CCDC171: variants seen among roughly 807,000 people sequenced by gnomAD.
CCDC171 encodes coiled-coil domain-containing protein 171.
CCDC171 carries 177 observed loss-of-function variants against 168.2 expected under a neutral mutation model. That is an observed-to-expected ratio of 1.05 (90% CI 0.93 to 1.19). The LOEUF is 1.19. Ranked by LOEUF, CCDC171 falls within the 50% of genes most tolerant of loss-of-function variation. The probability of loss-of-function intolerance (pLI) is 0.00; values close to 1 mark genes in which losing one functional copy is unlikely to be tolerated. For missense variants in CCDC171, 1,991 were observed against 1,539.0 expected (o/e 1.29, Z -4.91); for synonymous variants, 687 against 540.8 (o/e 1.27, Z -3.75).
intron 16 of CCDC171, among the ~76,000 whole-genome samples, chr9:15,742,694 T>C (rs1158421857): frequency 6.6e-6 from 1 of 152,242 alleles, no homozygotes; most frequent in Admixed American, 6.5e-5. Flanking sequence ...TAAGTGCCCT[T>C]TTGTACTCCT....
At chr9:15,839,953 C>G (rs1218673383) in intron 21 of CCDC171, among the ~76,000 whole-genome samples, 2 of 147,034 alleles carry the variant, frequency 1.4e-5, no homozygotes, top group Non-Finnish European at 1.5e-5. Flanking sequence ...ATTTATTTTC[C>G]CAATTTTAAA....
At chr9:15,825,731 G>A (rs1350223949) in intron 21 of CCDC171, among the ~76,000 whole-genome samples, 1 of 152,072 alleles carries the variant, frequency 6.6e-6, no homozygotes, top group Non-Finnish European at 1.5e-5. Context: ...ATTTAGGAAT[G>A]GAGATTGCAA....
chr9:15,939,070 G>C (rs1346208071), intron 25 of CCDC171, among the ~76,000 whole-genome samples: 1 of 149,940 alleles, frequency 6.7e-6, no homozygotes, highest in African/African-American at 2.4e-5. Flanking sequence ...AGCTGGTTTT[G>C]CCTCTTCTTG....
intron 18 of CCDC171, among the ~76,000 whole-genome samples, chr9:15,762,901 A>AGG (rs1262229330): frequency 1.3e-5 from 2 of 152,156 alleles, no homozygotes; most frequent in Non-Finnish European, 2.9e-5. Context: ...TACAGTGCAA[A>AGG]GGAGTGTAGC....
At chr9:15,937,213 A>G (rs753390006) in intron 25 of CCDC171, among the ~76,000 whole-genome samples, 1 of 151,968 alleles carries the variant, frequency 6.6e-6, no homozygotes. Context: ...TAAAATTGCA[A>G]TTTTTTTCAA....
intron 2 of CCDC171, among the ~76,000 whole-genome samples, chr9:15,567,258 G>C (rs188095217): frequency 2.0e-5 from 3 of 152,216 alleles, no homozygotes; most frequent in Admixed American, 2.0e-4. Context: ...CTGACCTTGT[G>C]ATCCACCGGC....
chr9:16,010,993 T>G (rs1832854062), intron 3 of CCDC171, among the ~76,000 whole-genome samples: 1 of 152,148 alleles, frequency 6.6e-6, no homozygotes, highest in South Asian at 2.1e-4. Context: ...GACCCTGATT[T>G]ATTCAGTTAA....
chr9:15,792,018 C>G (rs2058294708), intron 21 of CCDC171, among the ~76,000 whole-genome samples: 2 of 152,096 alleles, frequency 1.3e-5, no homozygotes, highest in Admixed American at 1.3e-4. Flanking sequence ...GATGATCAAA[C>G]TTCTCCGAGC....
intron 3 of CCDC171, among the ~76,000 whole-genome samples, chr9:16,008,489 C>T (rs556495293): frequency 5.0e-4 from 76 of 152,232 alleles, no homozygotes; most frequent in African/African-American, 1.7e-3. Flanking sequence ...TTCATGCGTC[C>T]AGAAATGTTT....
chr9:16,046,979 G>A (rs1213801524), intron 1 of CCDC171, among the ~76,000 whole-genome samples: 2 of 152,164 alleles, frequency 1.3e-5, no homozygotes, highest in East Asian at 1.9e-4. Flanking sequence ...TTCCCCTCAA[G>A]TCCCCGTAGC....
intron 24 of CCDC171, among the ~76,000 whole-genome samples, chr9:15,911,563 T>G (rs1823641960): frequency 6.6e-6 from 1 of 152,244 alleles, no homozygotes; most frequent in Non-Finnish European, 1.5e-5. Context: ...AGACCCCATT[T>G]GTCAATTCTG....
intron 7 of CCDC171, among the ~76,000 whole-genome samples, chr9:15,638,089 C>T (rs1448294043): frequency 6.6e-6 from 1 of 152,086 alleles, no homozygotes; most frequent in African/African-American, 2.4e-5. Flanking sequence ...TTCTTTACTG[C>T]TGTGTAAATA....
chr9:15,629,702 A>G (rs993193168), intron 7 of CCDC171, among the ~76,000 whole-genome samples: 8 of 152,194 alleles, frequency 5.3e-5, no homozygotes, highest in Non-Finnish European at 1.0e-4. Flanking sequence ...CCTCAAGAAG[A>G]GCAACTCTAA....
At chr9:15,825,034 C>G (rs1187548610) in intron 21 of CCDC171, among the ~76,000 whole-genome samples, 1 of 152,116 alleles carries the variant, frequency 6.6e-6, no homozygotes, top group Non-Finnish European at 1.5e-5. Context: ...CCTGCTCTAA[C>G]TCTCCCAAAG....
intron 8 of CCDC171, among the ~76,000 whole-genome samples, chr9:15,661,289 A>AC (rs201184490): frequency 0.42 from 60,751 of 142,988 alleles, 14,700 homozygotes; most frequent in East Asian, 0.78. Context: ...CAAAAAAAAA[A>AC]AAAAAAAAAA....
chr9:15,592,856 T>TTTTTGG (rs2042091664), intron 5 of CCDC171, among the ~76,000 whole-genome samples: 1 of 152,118 alleles, frequency 6.6e-6, no homozygotes, highest in Non-Finnish European at 1.5e-5. Context: ...GCTATTGGCT[T>TTTTTGG]TTTTTGTTTT....
chr9:16,021,807 T>C (rs1833172319), intron 4 of CCDC171, among the ~76,000 whole-genome samples: 1 of 152,226 alleles, frequency 6.6e-6, no homozygotes, highest in Non-Finnish European at 1.5e-5. Flanking sequence ...CTCTGTACTA[T>C]GTGGCTAGCT....
chr9:16,105,514 G>A, the CCDC171 span, among the ~76,000 whole-genome samples: 6 of 152,128 alleles, frequency 3.9e-5, no homozygotes, highest in African/African-American at 1.4e-4. Context: ...CAGATTTCAT[G>A]GCTTGATGGC....
chr9:15,715,166 TA>T (rs1284911920), intron 11 of CCDC171, among the ~76,000 whole-genome samples: 1 of 152,206 alleles, frequency 6.6e-6, no homozygotes, highest in Non-Finnish European at 1.5e-5. Context: ...GTTACTAATA[TA>T]TTTCTCAAGC....
Sources: allele counts gnomAD v4.1 joint callset (sites outside exome capture counted in the v4.1 genomes callset), GRCh38; gene constraint gnomAD v4.1.1; transcripts MANE v1.5; gene names NCBI Gene and HGNC (gene_info 2026-07-23, HGNC 2026-07-21).